MICB: variants seen among roughly 807,000 people sequenced by gnomAD.
The protein encoded by MICB is MHC class I polypeptide-related sequence B, also known as MHC class I antigen-related protein B.
Under a neutral mutation model 34.3 loss-of-function variants are expected in MICB, and 27 were observed. The ratio of observed to expected loss-of-function variants is 0.79; its 90% CI spans 0.58 to 1.08. MICB has a LOEUF of 1.08. Among genes scored for constraint, MICB ranks in the 50% least tolerant of loss-of-function variants. MICB has a pLI of 0.00. For missense variants in MICB, 426 were observed against 483.1 expected, an observed-to-expected ratio of 0.88 and a Z score of 1.11; for synonymous variants, 153 against 187.4, an observed-to-expected ratio of 0.82 and a Z score of 1.50.
chr6:31,506,133 G>A lies in MICB; in HGVS notation c.326-10G>A. 1.2e-6 allele frequency: 2 copies of A among 1,609,306 alleles called. No homozygotes were observed. The highest frequency in any genetic ancestry group is 8.5e-7 in the Non-Finnish European group (1 of 1,177,246). On this transcript the variant is annotated splice_polypyrimidine_tract_variant and intron_variant, in intron 2 of 5. Coordinates refer to ENST00000252229, the MANE Select transcript of MICB (RefSeq NM_005931.5). ...TCGGGAATGGAGAAGTCACTGCTGGGTGGGGGCAGGCTTGCATTCCCTCCA... is the reference window on the plus strand; with the variant it reads ...TCGGGAATGGAGAAGTCACTGCTGGATGGGGGCAGGCTTGCATTCCCTCCA...
chr6:31,503,620 G>C (rs1192883634), intron 1 of MICB, among the ~76,000 whole-genome samples: 4 of 151,868 alleles, frequency 2.6e-5, no homozygotes, highest in African/African-American at 9.7e-5. Context: ...TTGTAGTATG[G>C]GTCAGATTTT....
Position 31,510,856 on chromosome 6 carries a change from T to C in MICB, c.*947T>C, listed in dbSNP as rs564666909. ...CCACCGTGCCTGGCCTATTTTATTA[T>C]ATTGTAATATATTTTATTATATTAG... is the stretch of plus-strand genomic sequence containing the variant. On this transcript the variant is annotated 3_prime_UTR_variant, in exon 6 of 6. Coordinates refer to ENST00000252229, the MANE Select transcript of MICB (RefSeq NM_005931.5). The C allele has an allele frequency of 6.6e-6, 1 of 152,306 alleles. No homozygotes were observed. The highest frequency in any genetic ancestry group is 1.9e-4 in the East Asian group (1 of 5,182). 9.4% of individuals were successfully genotyped at this position (152,306 alleles called of 1,614,324 possible).
intron 3 of MICB, 122 bp from the exon 4 acceptor site, chr6:31,506,900 A>G: frequency 6.8e-7 from 1 of 1,469,884 alleles, no homozygotes; most frequent in Non-Finnish European, 9.1e-7. Flanking sequence ...ACAGACTTAC[A>G]GAAGGTCCGG....
chr6:31,498,818 G>T (rs371143509), intron 1 of MICB: 14,480 of 115,134 alleles, frequency 0.13, 769 homozygotes, highest in Middle Eastern at 0.23. Flanking sequence ...GCATTTTCTG[G>T]TCTCTCCTGC....
At chr6:31,506,976 C>G in intron 3 of MICB, 46 bp from the exon 4 acceptor site, 1 of 1,587,964 alleles carries the variant, frequency 6.3e-7, no homozygotes. Context: ...CTGCATCTCC[C>G]TTAGAGGGGA....
At chr6:31,500,424 A>G (rs1764957900) in intron 1 of MICB, among the ~76,000 whole-genome samples, 1 of 152,198 alleles carries the variant, frequency 6.6e-6, no homozygotes, top group African/African-American at 2.4e-5. Context: ...ATCTATCACA[A>G]CAAGCATTTA....
At position 31,501,706 on chromosome 6, in the gene MICB, T is replaced by G. The variant is rs557777005; in HGVS notation, c.70+3443T>G. Among the ~76,000 whole-genome samples, 3 of 152,342 alleles carry G rather than the reference T, an allele frequency of 2.0e-5. No individual in the cohort carries two copies. In the South Asian group the frequency reaches 6.2e-4, roughly 32 times the overall value. ...AAGAGACTCTCCTTTGCCCTGTATG[T>G]GTTCTTGGTAACTTTGTTAGAAATA... is the stretch of plus-strand genomic sequence containing the variant. On this transcript the variant is annotated intron_variant, in intron 1 of 5. Transcript: ENST00000252229.
chr6:31,510,570 G>C lies in MICB; in HGVS notation c.*661G>C, dbSNP rs1309552112. ...TGTTTTTGTTTTTGTTTTTGAGACA[G>C]AGTCTCACTCTGTCACCCAGGCTGC... is the stretch of plus-strand genomic sequence containing the variant. On this transcript the variant is annotated 3_prime_UTR_variant, in exon 6 of 6. Transcript: ENST00000252229. The C allele has an allele frequency of 6.6e-5, 10 of 152,390 alleles. No homozygotes were observed. Among genetic ancestry groups the C allele is most frequent in the Admixed American group, 6.5e-4 (10 of 15,268 alleles). The allele number at this position is 152,390 out of a possible 1,614,324, so 9.4% of individuals were successfully genotyped here.
upstream of MICB, among the ~76,000 whole-genome samples, chr6:31,496,080 G>A (rs1224556422): frequency 1.3e-5 from 2 of 152,166 alleles, no homozygotes; most frequent in Non-Finnish European, 2.9e-5. Context: ...GGTTGTGGCT[G>A]TGGCCTGGGA....
Position 31,510,003 on chromosome 6 carries a change from A to C in MICB, c.*94A>C. 21 of 1,343,690 alleles carry C rather than the reference A, an allele frequency of 1.6e-5. No individual in the cohort carries two copies. The highest frequency in any genetic ancestry group is 2.1e-5 in the Non-Finnish European group (21 of 994,494). The allele number at this position is 1,343,690 out of a possible 1,614,324, so 83.2% of individuals were successfully genotyped here. ...TGACCTATGAAACAGAGAAAATAAC[A>C]TCACTTATTTATTGTTGTTGGATGC... On this transcript the variant is annotated 3_prime_UTR_variant, in exon 6 of 6. Transcript: ENST00000252229.
At chr6:31,495,714 G>A (rs2516408), upstream of MICB, among the ~76,000 whole-genome samples, 47,542 of 151,616 alleles carry the variant, frequency 0.31, 7,694 homozygotes, top group Middle Eastern at 0.39. Flanking sequence ...GTCTAATGGG[G>A]GAGGAGGGTA....
upstream of MICB, among the ~76,000 whole-genome samples, chr6:31,496,366 C>CT (rs3034154): frequency 0.23 from 28,475 of 121,394 alleles, 3,852 homozygotes; most frequent in East Asian, 0.31. Context: ...TCCTTTTTTT[C>CT]TTTTTTTTTT....
At chr6:31,500,176 G>T (rs1008578500) in intron 1 of MICB, among the ~76,000 whole-genome samples, 10 of 151,690 alleles carry the variant, frequency 6.6e-5, no homozygotes, top group African/African-American at 2.2e-4. Context: ...CCTGCTCTTG[G>T]GGTGCCACTG....
At chr6:31,503,954 TGTGTG>T (rs747194644) in intron 1 of MICB, among the ~76,000 whole-genome samples, 30,560 of 149,390 alleles carry the variant, frequency 0.2, 3,299 homozygotes, top group East Asian at 0.3. Flanking sequence ...ACTTGCTGTG[TGTGTG>T]TGTGTGTGTG....
chr6:31,509,694 T>G, intron 5 of MICB, 88 bp from the exon 6 acceptor site: 2 of 1,436,406 alleles, frequency 1.4e-6, no homozygotes, highest in East Asian at 2.5e-5. Flanking sequence ...CGAATCTGAT[T>G]TTGGGGCAAC....
upstream of MICB, among the ~76,000 whole-genome samples, chr6:31,497,900 C>G (rs560011136): frequency 1.2e-4 from 19 of 152,304 alleles, no homozygotes; most frequent in South Asian, 3.7e-3. Context: ...GCTGTACTCT[C>G]AGCTACTCGG....
At chr6:31,496,020 C>A (rs1218579930), upstream of MICB, among the ~76,000 whole-genome samples, 1 of 152,194 alleles carries the variant, frequency 6.6e-6, no homozygotes. Context: ...ACGTAGGGAA[C>A]TTTAAAAGAT....
upstream of MICB, chr6:31,496,855 C>A (rs796938821): frequency 1.8e-4 from 28 of 152,784 alleles, no homozygotes; most frequent in African/African-American, 6.5e-4. Context: ...TGACAGTAAC[C>A]TGGAAGAGGG....
chr6:31,506,106 G>T (rs1366158246), intron 2 of MICB, 37 bp from the exon 3 acceptor site: 30 of 1,584,578 alleles, frequency 1.9e-5, no homozygotes, highest in African/African-American at 2.7e-5. Context: ...AAGGTGATGG[G>T]TTCGGGAATG....
Sources: gnomAD v4.1 joint callset for allele counts (sites outside exome capture counted in the v4.1 genomes callset) on GRCh38, gnomAD v4.1.1 for gene constraint, MANE v1.5 for transcripts, NCBI Gene and HGNC (gene_info 2026-07-23, HGNC 2026-07-21) for gene names.